Variants in KAT6B observed in about 807,000 individuals in gnomAD.
The protein encoded by KAT6B is lysine acetyltransferase 6B.
In KAT6B, 10 loss-of-function variants were observed where a neutral mutation model predicts 187.5. That is an observed-to-expected ratio of 0.05 (90% CI 0.03 to 0.09). The LOEUF is 0.09. KAT6B is among the 10% of genes least tolerant of loss of function. KAT6B has a pLI of 1.00. For missense variants in KAT6B, 1,952 were observed against 2,558.9 expected (o/e 0.76, Z 5.12); for synonymous variants, 861 against 926.8 (o/e 0.93, Z 1.29).
rs1848651230 is a variant in KAT6B at position 74,928,539 on chromosome 10, T to C, written c.622-31431T>C. On this transcript the variant is annotated intron_variant, in intron 3 of 17. Transcript: ENST00000287239. ...TCCACTACTACAGAATAAATATTTA[T>C]AATATTTTCTATTTCATCAGGAAGA... Among the ~76,000 whole-genome samples, 3 of 152,174 alleles carry C rather than the reference T, an allele frequency of 2.0e-5. No individual in the cohort carries two copies. The South Asian group carries it at 6.2e-4, about 32-fold the overall frequency.
chr10:75,020,633 T>C lies in KAT6B; in HGVS notation c.2681T>C (p.Leu894Pro), dbSNP rs1564624812. 1 of 1,614,214 alleles carries C rather than the reference T, an allele frequency of 6.2e-7. No individual in the cohort carries two copies. Among genetic ancestry groups the C allele is most frequent in the African/African-American group, 1.3e-5 (1 of 75,048 alleles). ...EGQAGSPEKP[L>P]SDLGRLSYLA... ...CAAGCAGGGTCTCCTGAAAAGCCTCTCTCCGATCTGGGCCGTCTCTCCTAC... is the reference window on the plus strand; with the variant it reads ...CAAGCAGGGTCTCCTGAAAAGCCTCCCTCCGATCTGGGCCGTCTCTCCTAC... The change falls in exon 14 of 18, where the codon CTC (leucine) becomes CCC (proline). Residue 894 changes from leucine (L) to proline (P), a missense_variant. By Grantham distance (98) the Leu-to-Pro change is moderately conservative (BLOSUM62 -3). Coordinates refer to ENST00000287239, the MANE Select transcript of KAT6B (RefSeq NM_012330.4).
At chr10:75,022,830 G>A (rs139849256) in intron 16 of KAT6B, among the ~76,000 whole-genome samples, 24 of 152,266 alleles carry the variant, frequency 1.6e-4, no homozygotes, top group Non-Finnish European at 2.6e-4. Context: ...TACTCGGGAG[G>A]CTGAGACAGG....
chr10:74,845,780 T>C (rs1030962767), intron 3 of KAT6B, among the ~76,000 whole-genome samples: 3 of 150,216 alleles, frequency 2.0e-5, no homozygotes, highest in Admixed American at 6.6e-5. Flanking sequence ...TTGGATACCA[T>C]GAACCCTTGA....
chr10:75,001,871 C>T (rs1042550287), intron 13 of KAT6B, among the ~76,000 whole-genome samples: 1 of 152,114 alleles, frequency 6.6e-6, no homozygotes, highest in Non-Finnish European at 1.5e-5. Flanking sequence ...CCCCCTGGAA[C>T]CAGGGCTGTG....
In KAT6B at chr10:74,930,603, G is replaced by C. The variant is rs377590828; in HGVS notation, c.622-29367G>C. 2.0e-5 allele frequency among the ~76,000 whole-genome samples: 3 copies of C among 152,138 alleles called. No homozygotes were observed. The South Asian group carries it at 6.2e-4, about 32-fold the overall frequency. On this transcript the variant is annotated intron_variant, in intron 3 of 17. Transcript: ENST00000287239. The stretch of plus-strand genomic sequence containing the variant: ...TTATTTGATGTGACAGGAATTGATT[G>C]GTTAGTCAAGAAAGTTGGTTAAAAG...
rs188684039 is a variant in KAT6B, at chr10:74,910,521, A to G, written c.622-49449A>G. ...ACTTCACTGTGGGCACCCACAAATAATATGTTTAATTTTTTTTCTAAACCT... is the reference window on the plus strand; with the variant it reads ...ACTTCACTGTGGGCACCCACAAATAGTATGTTTAATTTTTTTTCTAAACCT... On this transcript the variant is annotated intron_variant, in intron 3 of 17. Transcript: ENST00000287239. Among the ~76,000 whole-genome samples, 445 of 152,120 alleles carry G rather than the reference A, an allele frequency of 2.9e-3. 6 individuals are homozygous for G. The highest frequency in any genetic ancestry group is 0.01 in the African/African-American group (427 of 41,482).
At chr10:74,942,427 A>G (rs1347281065) in intron 3 of KAT6B, among the ~76,000 whole-genome samples, 2 of 152,264 alleles carry the variant, frequency 1.3e-5, no homozygotes, top group East Asian at 1.9e-4. Flanking sequence ...TTAGCAAACT[A>G]GGAATAGAAG....
chr10:74,960,276 T>A (rs1841009026), intron 4 of KAT6B, among the ~76,000 whole-genome samples, 198 bp downstream of exon 4: 1 of 152,178 alleles, frequency 6.6e-6, no homozygotes, highest in Non-Finnish European at 1.5e-5. Context: ...ATATTATATA[T>A]GCTTATATAA....
intron 1 of KAT6B, among the ~76,000 whole-genome samples, chr10:74,836,142 A>T (rs763272824): frequency 6.6e-6 from 1 of 152,244 alleles, no homozygotes; most frequent in Non-Finnish European, 1.5e-5. Flanking sequence ...AGTAGCATGT[A>T]TCGAAACTTC....
At chr10:74,836,551 A>T (rs1841324943) in intron 1 of KAT6B, among the ~76,000 whole-genome samples, 1 of 152,180 alleles carries the variant, frequency 6.6e-6, no homozygotes, top group Non-Finnish European at 1.5e-5. Context: ...CTCACCTCCC[A>T]GTTCACATGT....
chr10:74,956,027 C>T (rs572188500), intron 3 of KAT6B, among the ~76,000 whole-genome samples: 45 of 152,214 alleles, frequency 3.0e-4, no homozygotes, highest in African/African-American at 1.0e-3. Context: ...CAGCTCAAGC[C>T]GTCCTCCCAC....
rs535285049 is a variant in KAT6B at position 75,012,203 on chromosome 10, T to C, written c.2630-8379T>C. ...TGGCTCACACCTGTAATCCCAGCAC[T>C]TTGGGAGGCCGAGGCAGGAGGGTTG... On this transcript the variant is annotated intron_variant, in intron 13 of 17. Transcript: ENST00000287239. Among the ~76,000 whole-genome samples, 811 of 152,132 alleles carry C rather than the reference T, an allele frequency of 5.3e-3. 2 individuals carry two copies. The highest frequency in any genetic ancestry group is 8.4e-3 in the Non-Finnish European group (573 of 67,998).
At chr10:74,937,613 G>A (rs1440990857) in intron 3 of KAT6B, among the ~76,000 whole-genome samples, 1 of 152,200 alleles carries the variant, frequency 6.6e-6, no homozygotes, top group Non-Finnish European at 1.5e-5. Flanking sequence ...GAACTTGATA[G>A]ATAACTAGAG....
chr10:74,934,463 G>A (rs974266024), intron 3 of KAT6B, among the ~76,000 whole-genome samples: 8 of 152,024 alleles, frequency 5.3e-5, no homozygotes, highest in African/African-American at 9.7e-5. Flanking sequence ...AGAATGGGCC[G>A]TGTGAACTTC....
At position 75,030,986 on chromosome 10, in the gene KAT6B, C is replaced by T. The variant is rs192237531; in HGVS notation, c.6162C>T (p.His2054=). The T allele has an allele frequency of 3.0e-4, 488 of 1,614,164 alleles. 2 individuals carry two copies. The highest frequency in any genetic ancestry group is 1.9e-3 in the East Asian group (86 of 44,886). The change falls in exon 18 of 18, where the codon CAC becomes CAT. Residue 2054 remains histidine, a synonymous_variant. Transcript: ENST00000287239. This position sits in a 1 kb window ranked among gnomAD's most constrained non-coding sequence, Gnocchi z 4.8. ...TGATGTACACGGCCCCCGGACATCA[C>T]GGCTACATGAACACAGGCATGTCCA... ...GNMMYTAPGH[H]GYMNTGMSKQ...
At chr10:74,959,799 TA>T (rs1029270806) in intron 3 of KAT6B, among the ~76,000 whole-genome samples, 170 bp from the exon 4 acceptor site, 1 of 152,192 alleles carries the variant, frequency 6.6e-6, no homozygotes, top group Non-Finnish European at 1.5e-5. Context: ...AAAAATAATA[TA>T]AGAGTTTTTT....
intron 3 of KAT6B, among the ~76,000 whole-genome samples, chr10:74,911,236 C>G (rs1008576208): frequency 6.7e-6 from 1 of 150,228 alleles, no homozygotes; most frequent in African/African-American, 2.4e-5. Context: ...TTTCAGCTGT[C>G]TTCACTCACT....
intron 13 of KAT6B, among the ~76,000 whole-genome samples, chr10:75,015,572 C>T (rs1844922448): frequency 6.6e-6 from 1 of 152,180 alleles, no homozygotes; most frequent in South Asian, 2.1e-4. Context: ...GCGTACAAAC[C>T]AGTGAATTGC....
At chr10:74,922,034 A>G (rs944807727) in intron 3 of KAT6B, among the ~76,000 whole-genome samples, 1 of 152,232 alleles carries the variant, frequency 6.6e-6, no homozygotes, top group Admixed American at 6.5e-5. Flanking sequence ...TCTGCCAGAA[A>G]AGACAACTCC....
Sources: allele counts gnomAD v4.1 joint callset (sites outside exome capture counted in the v4.1 genomes callset), GRCh38; gene constraint gnomAD v4.1.1; non-coding constraint Gnocchi (gnomAD v3.1); transcripts MANE v1.5; gene names NCBI Gene and HGNC (gene_info 2026-07-23, HGNC 2026-07-21).